NALCN: variants seen among roughly 807,000 people sequenced by gnomAD.
NALCN encodes sodium leak channel, non-selective.
Under a neutral mutation model 225.3 loss-of-function variants are expected in NALCN, and 111 were observed. The observed-to-expected ratio is 0.49, with a 90% CI of 0.42 to 0.58. The LOEUF is 0.58. Ranked by LOEUF, NALCN falls within the 20% of genes least tolerant of loss-of-function variation. NALCN has a pLI of 0.00. For synonymous variants in NALCN, 764 were observed against 769.0 expected, an observed-to-expected ratio of 0.99 and a Z score of 0.11; for missense variants, 1,378 against 2,202.4, an observed-to-expected ratio of 0.63 and a Z score of 7.49.
intron 13 of NALCN, among the ~76,000 whole-genome samples, chr13:101,194,091 A>G (rs1022180190): frequency 7.9e-5 from 12 of 152,218 alleles, no homozygotes; most frequent in Non-Finnish European, 1.6e-4. Context: ...TGTCTTGGGC[A>G]TGAACCAGCT....
chr13:101,216,984 TA>T (rs2040760275), intron 13 of NALCN, among the ~76,000 whole-genome samples: 1 of 152,132 alleles, frequency 6.6e-6, no homozygotes. Flanking sequence ...TACTTAGAAA[TA>T]AAAACTATCC....
intron 17 of NALCN, among the ~76,000 whole-genome samples, chr13:101,138,451 G>A (rs1016205516): frequency 6.6e-6 from 1 of 152,214 alleles, no homozygotes; most frequent in South Asian, 2.1e-4. Context: ...GGCAGATATT[G>A]CCCTACTGTC....
In NALCN at chr13:101,245,892, C is replaced by T. The variant is rs144095204; in HGVS notation, c.1267-7970G>A. Among the ~76,000 whole-genome samples the T allele has an allele frequency of 4.3e-3, 662 of 152,206 alleles. 3 individuals are homozygous for T. Among genetic ancestry groups the T allele is most frequent in the African/African-American group, 0.015 (606 of 41,522 alleles). On this transcript the variant is annotated intron_variant, in intron 11 of 43. Coordinates refer to ENST00000251127, the MANE Select transcript of NALCN (RefSeq NM_052867.4). ...AGACACTTGCCTAGGAATGTAACTTCGTAACTTCACCTCAGCCTCTGATTG... is the reference window on the plus strand; with the variant it reads ...AGACACTTGCCTAGGAATGTAACTTTGTAACTTCACCTCAGCCTCTGATTG...
At chr13:101,191,408 G>A (rs1461518439) in intron 14 of NALCN, among the ~76,000 whole-genome samples, 13 of 151,986 alleles carry the variant, frequency 8.6e-5, no homozygotes, top group Non-Finnish European at 1.9e-4. Flanking sequence ...TTGCAGCAAT[G>A]TGTTTTATTT....
intron 1 of NALCN, among the ~76,000 whole-genome samples, chr13:101,409,482 C>T (rs1296922197): frequency 6.6e-6 from 1 of 152,162 alleles, no homozygotes; most frequent in African/African-American, 2.4e-5. Flanking sequence ...TGGCCACCAC[C>T]GTCCTACCCT....
intron 17 of NALCN, among the ~76,000 whole-genome samples, chr13:101,126,096 G>C (rs182067060): frequency 6.6e-6 from 1 of 152,306 alleles, no homozygotes; most frequent in Non-Finnish European, 1.5e-5. Flanking sequence ...TATAATGTCA[G>C]TCAGTGTGTC....
chr13:101,407,699 G>T lies in NALCN; in HGVS notation c.-39-8534C>A, dbSNP rs75313638. On this transcript the variant is annotated intron_variant, in intron 1 of 43. Coordinates refer to ENST00000251127, the MANE Select transcript of NALCN (RefSeq NM_052867.4). ...CCAGACCCACATGAATTGGAAGCAA[G>T]TTTAGAATCCAAGTAGTCTATTTGT... is the stretch of plus-strand genomic sequence containing the variant. 2.9e-3 allele frequency among the ~76,000 whole-genome samples: 441 copies of T among 152,304 alleles called. 2 individuals carry two copies. The highest frequency in any genetic ancestry group is 0.01 in the African/African-American group (418 of 41,568).
intron 13 of NALCN, among the ~76,000 whole-genome samples, chr13:101,205,939 T>C (rs942031023): frequency 1.3e-5 from 2 of 152,118 alleles, no homozygotes; most frequent in South Asian, 4.1e-4. Context: ...ATAGGAAATT[T>C]CACTATGTTC....
chr13:101,262,628 G>A (rs1308725836), intron 10 of NALCN, among the ~76,000 whole-genome samples: 1 of 152,330 alleles, frequency 6.6e-6, no homozygotes, highest in East Asian at 1.9e-4. Context: ...TTCCTTAGCT[G>A]TGGATTTATG....
chr13:101,091,932 T>C (rs1442163340), intron 28 of NALCN, among the ~76,000 whole-genome samples: 1 of 152,188 alleles, frequency 6.6e-6, no homozygotes, highest in African/African-American at 2.4e-5. Flanking sequence ...TGGAAGAATT[T>C]ATCACATTAA....
At chr13:101,111,291 A>T (rs1486245003) in intron 18 of NALCN, 65 bp from the exon 19 acceptor site, 3 of 1,333,668 alleles carry the variant, frequency 2.2e-6, no homozygotes, top group Non-Finnish European at 2.0e-6. Context: ...ATAACACATA[A>T]GTGCTCATTA....
At chr13:101,152,131 G>A (rs1304894883) in intron 15 of NALCN, among the ~76,000 whole-genome samples, 1 of 152,174 alleles carries the variant, frequency 6.6e-6, no homozygotes, top group African/African-American at 2.4e-5. Flanking sequence ...CGCATCGACT[G>A]AAGCCACAGA....
intron 7 of NALCN, among the ~76,000 whole-genome samples, chr13:101,332,801 G>A (rs1294586968): frequency 1.3e-5 from 2 of 152,228 alleles, no homozygotes; most frequent in Non-Finnish European, 2.9e-5. Context: ...AGTGAGACTT[G>A]CAGCAAATGT....
rs899719482 is a variant in NALCN, at chr13:101,186,387, C to T, written c.1764+5530G>A. Among the ~76,000 whole-genome samples, 5 of 152,112 alleles carry T rather than the reference C, an allele frequency of 3.3e-5. No individual in the cohort carries two copies. The South Asian group carries it at 6.2e-4, about 19-fold the overall frequency. On this transcript the variant is annotated intron_variant, in intron 14 of 43. Transcript: ENST00000251127. ...ACTTTGGCCAGGACGTAGGTTAGTA[C>T]CTGCACGTGGTAGTAGAGGTTCAGT...
intron 15 of NALCN, among the ~76,000 whole-genome samples, chr13:101,168,074 T>C (rs770605827): frequency 2.0e-5 from 3 of 152,082 alleles, no homozygotes; most frequent in Non-Finnish European, 4.4e-5. Context: ...TGAACAAGGA[T>C]CTCTCTTGAA....
At chr13:101,056,294 T>A (rs966556304) in intron 43 of NALCN, among the ~76,000 whole-genome samples, 3 of 122,772 alleles carry the variant, frequency 2.4e-5, no homozygotes, top group African/African-American at 6.2e-5. Flanking sequence ...AGGTTCTCAC[T>A]CTCTCACCCA....
intron 13 of NALCN, among the ~76,000 whole-genome samples, chr13:101,207,472 G>T (rs191915498): frequency 1.1e-4 from 16 of 152,240 alleles, no homozygotes; most frequent in African/African-American, 3.9e-4. Flanking sequence ...CCAAGATTAA[G>T]ATTTTATTTT....
At chr13:101,240,899 G>T (rs1204187603) in intron 11 of NALCN, among the ~76,000 whole-genome samples, 2 of 151,994 alleles carry the variant, frequency 1.3e-5, no homozygotes, top group Non-Finnish European at 2.9e-5. Context: ...GGATTTTATT[G>T]GGTAATATAT....
rs2044249285 is a variant in NALCN at position 101,309,048 on chromosome 13, AT to A, written c.800-16683del. 3.3e-5 allele frequency among the ~76,000 whole-genome samples: 5 copies of A among 152,334 alleles called. No homozygotes were observed. In the South Asian group the frequency reaches 1.0e-3, roughly 32 times the overall value. On this transcript the variant is annotated intron_variant, in intron 7 of 43. Coordinates refer to ENST00000251127, the MANE Select transcript of NALCN (RefSeq NM_052867.4). ...TGAATATGAGATTGTTACTTTTTAA[AT>A]ATAGGGTTTTGGTTTCATGACTAAT...
Sources: allele counts gnomAD v4.1 joint callset (sites outside exome capture counted in the v4.1 genomes callset), GRCh38; gene constraint gnomAD v4.1.1; transcripts MANE v1.5; gene names NCBI Gene and HGNC (gene_info 2026-07-23, HGNC 2026-07-21).